The following DENND1C variants were observed in gnomAD, a reference collection of about 807,000 sequenced individuals.
The protein encoded by DENND1C is DENN domain containing 1C.
DENND1C carries 64 observed loss-of-function variants against 87.9 expected under a neutral mutation model. That is an observed-to-expected ratio of 0.73 (90% confidence interval 0.60 to 0.90). DENND1C has a LOEUF of 0.90. DENND1C is among the 40% of genes least tolerant of loss of function. DENND1C has a pLI of 0.00. For synonymous variants in DENND1C, 384 were observed against 424.4 expected (o/e 0.90, Z 1.17); for missense variants, 980 against 1,037.0 (o/e 0.95, Z 0.76).
At chr19:6,473,816 G>GGA (rs2092843788) in intron 14 of DENND1C, among the ~76,000 whole-genome samples, 17 of 131,564 alleles carry the variant, frequency 1.3e-4, no homozygotes, top group South Asian at 2.8e-4. Flanking sequence ...GGGGGGTGGG[G>GGA]GGAGGGAAAT....
chr19:6,479,129 G>A (rs950070545), intron 4 of DENND1C, 73 bp from the exon 5 acceptor site: 1 of 1,595,486 alleles, frequency 6.3e-7, no homozygotes. Context: ...CCCCAACAAA[G>A]CTCCTAGGAC....
rs143148879 is a variant in DENND1C, at chr19:6,476,228, G to A, written c.679-291C>T. On this transcript the variant is annotated intron_variant, in intron 10 of 22. Coordinates refer to ENST00000381480, the MANE Select transcript of DENND1C (RefSeq NM_024898.4). ...TCCCCATGCAGGTAGAGCAAGGACTGAGCCTCCACTGACTCCACCCCGAAA... is the reference window on the plus strand; with the variant it reads ...TCCCCATGCAGGTAGAGCAAGGACTAAGCCTCCACTGACTCCACCCCGAAA... The A allele has an allele frequency of 1.9e-3, 796 of 413,386 alleles. 4 individuals are homozygous for A. Among genetic ancestry groups the A allele is most frequent in the African/African-American group, 0.015 (722 of 47,692 alleles). 25.6% of individuals were successfully genotyped at this position (413,386 alleles called of 1,614,324 possible). A position where few individuals can be genotyped will look rare whatever the true frequency, so the allele number is the denominator to read the frequency against.
chr19:6,479,268 T>C (rs544697549), intron 4 of DENND1C, among the ~76,000 whole-genome samples: 115 of 141,032 alleles, frequency 8.2e-4, no homozygotes, highest in African/African-American at 3.4e-3. Flanking sequence ...TCCCTGGATC[T>C]CTGGGTTTCT....
chr19:6,473,140 G>T, intron 14 of DENND1C, 147 bp from the exon 15 acceptor site: 3 of 558,124 alleles, frequency 5.4e-6, no homozygotes, highest in Non-Finnish European at 8.8e-6. Flanking sequence ...GAGGACTTAA[G>T]CTGTTTTTTG....
Position 6,477,421 on chromosome 19 carries a change from T to C in DENND1C, c.404A>G (p.Gln135Arg). 1 of 1,612,970 alleles carries C rather than the reference T, an allele frequency of 6.2e-7. No homozygotes were observed. Among genetic ancestry groups the C allele is most frequent in the South Asian group, 1.1e-5 (1 of 91,024 alleles). The change falls in exon 7 of 23, where the codon CAG becomes CGG. Residue 135 changes from glutamine to arginine, a missense_variant. Transcript: ENST00000381480. ...GGCCTGGGGCCCAGACAGGGACTGCTGAAACAGATTTTGAAGAAGTTCCTC... is the reference window on the plus strand; with the variant it reads ...GGCCTGGGGCCCAGACAGGGACTGCCGAAACAGATTTTGAAGAAGTTCCTC... ...EAEELLQNLF[Q>R]QSLSGPQASV...
chr19:6,479,908 G>A lies in DENND1C; in HGVS notation c.83-6C>T. ...CTGCCGCAGGATGGGGGGATCTGTA[G>A]AAGAGAGCACGCCTCTAAGTTCAGC... On this transcript the variant is annotated splice_polypyrimidine_tract_variant and splice_region_variant and intron_variant, in intron 2 of 22. Coordinates refer to ENST00000381480, the MANE Select transcript of DENND1C (RefSeq NM_024898.4). 6.2e-7 allele frequency: 1 copy of A among 1,601,392 alleles called. No homozygotes were observed. Among genetic ancestry groups the A allele is most frequent in the Non-Finnish European group, 8.5e-7 (1 of 1,174,322 alleles).
Position 6,479,019 on chromosome 19 carries a change from C to G in DENND1C, c.214G>C (p.Ala72Pro), listed in dbSNP as rs755835446. Residue 72 changes from alanine (A) to proline (P), a missense_variant, in exon 5 of 23, where the codon GCC becomes CCC. Physicochemically the swap from Ala to Pro is conservative, Grantham distance 27. Transcript: ENST00000381480. Reference sequence around the variant, plus strand: ...CGGTTGCCGGCAAGGTCTGTGAGGGCGAAGGTGAAATGCTGCACGGCGGGG... The same window carrying G: ...CGGTTGCCGGCAAGGTCTGTGAGGGGGAAGGTGAAATGCTGCACGGCGGGG... ...PSPAVQHFTF[A>P]LTDLAGNRRF... 44 of 1,613,724 alleles carry G rather than the reference C, an allele frequency of 2.7e-5. No homozygotes were observed. Among genetic ancestry groups the G allele is most frequent in the Non-Finnish European group, 3.6e-5 (43 of 1,179,864 alleles).
chr19:6,478,913 C>T (rs200170818), intron 5 of DENND1C, 24 bp downstream of exon 5: 60 of 1,613,942 alleles, frequency 3.7e-5, no homozygotes, highest in African/African-American at 1.2e-4. Context: ...TCCCATCCCC[C>T]CCTCCAACCC....
rs1051094644 is a variant in DENND1C, at chr19:6,478,346, C to T, written c.366+437G>A. On this transcript the variant is annotated intron_variant, in intron 6 of 22. Transcript: ENST00000381480. ...GCCACTTCCGCCTCCCGGGTTCAAG[C>T]GATTCTCCTGCCGCAGCCTCTGAGC... Among the ~76,000 whole-genome samples the T allele has an allele frequency of 2.1e-4, 32 of 152,048 alleles. No homozygotes were observed. In the East Asian group the frequency reaches 3.3e-3, roughly 16 times the overall value.
intron 3 of DENND1C, 46 bp from the exon 4 acceptor site, chr19:6,479,764 C>G: frequency 6.2e-7 from 1 of 1,613,278 alleles, no homozygotes; most frequent in Non-Finnish European, 8.5e-7. Context: ...TGAGGTCGGG[C>G]ACCACCTCCC....
chr19:6,469,284 G>A (rs1159422220), intron 19 of DENND1C, among the ~76,000 whole-genome samples: 1 of 152,078 alleles, frequency 6.6e-6, no homozygotes, highest in African/African-American at 2.4e-5. Flanking sequence ...ACCCTCCTCG[G>A]CCTCCCAAAG....
chr19:6,477,157 C>A, intron 8 of DENND1C, 30 bp from the exon 9 acceptor site: 1 of 1,598,538 alleles, frequency 6.3e-7, no homozygotes, highest in Non-Finnish European at 8.5e-7. Context: ...GGGGATCAAT[C>A]AGTCAGGAGG....
chr19:6,467,475 G>C lies in DENND1C; in HGVS notation c.*29C>G. Reference sequence around the variant, plus strand: ...TTGGGCTCTTGTGGCTTTATTGAGGGACTGGGGTCTCTCTTGGACCCCTGA... The same window carrying C: ...TTGGGCTCTTGTGGCTTTATTGAGGCACTGGGGTCTCTCTTGGACCCCTGA... On this transcript the variant is annotated 3_prime_UTR_variant, in exon 23 of 23. Coordinates refer to ENST00000381480, the MANE Select transcript of DENND1C (RefSeq NM_024898.4). 1 of 1,509,752 alleles carries C rather than the reference G, an allele frequency of 6.6e-7. No individual in the cohort carries two copies. Among genetic ancestry groups the C allele is most frequent in the Non-Finnish European group, 8.8e-7 (1 of 1,130,228 alleles). The allele number at this position is 1,509,752 out of a possible 1,614,324, so 93.5% of individuals were successfully genotyped here. A position where few individuals can be genotyped will look rare whatever the true frequency, so the allele number is the denominator to read the frequency against.
intron 1 of DENND1C, chr19:6,480,481 T>A: frequency 1.0e-6 from 1 of 984,360 alleles, no homozygotes; most frequent in Non-Finnish European, 1.2e-6. Flanking sequence ...TATATCCATC[T>A]ATCTGTCTGT....
At chr19:6,470,465 G>A in intron 17 of DENND1C, 99 bp from the exon 18 acceptor site, 2 of 1,236,114 alleles carry the variant, frequency 1.6e-6, no homozygotes, top group South Asian at 2.6e-5. Context: ...CCCTCTCTGA[G>A]TCTCCATTTT....
In DENND1C at chr19:6,470,986, G is replaced by C. The variant is rs188691221; in HGVS notation, c.1290+279C>G. Among the ~76,000 whole-genome samples, 97 of 151,964 alleles carry C rather than the reference G, an allele frequency of 6.4e-4. 1 individual carries two copies. The East Asian group carries it at 0.011, about 17-fold the overall frequency. On this transcript the variant is annotated intron_variant, in intron 17 of 22. Coordinates refer to ENST00000381480, the MANE Select transcript of DENND1C (RefSeq NM_024898.4). ...AAAGTGGTTTTTGAGACAGGGTCTT[G>C]CTCTGTCACCCAGGCTGGAGTGCAG...
chr19:6,468,053 G>T lies in DENND1C; in HGVS notation c.1857C>A (p.Ser619=). The T allele has an allele frequency of 6.2e-7, 1 of 1,613,894 alleles. No individual in the cohort carries two copies. Among genetic ancestry groups the T allele is most frequent in the South Asian group, 1.1e-5 (1 of 91,052 alleles). Residue 619 remains serine (S), a synonymous_variant, in exon 23 of 23, where the codon TCC becomes TCA. Coordinates refer to ENST00000381480, the MANE Select transcript of DENND1C (RefSeq NM_024898.4). The part of the protein sequence containing the change: ...KLPEPEPQPL[S]LPSLQNASSL... ...ACGAGGCATTTTGCAGGGATGGCAG[G>T]GAAAGGGGCTGGGGCTCCGGCTCTG...
chr19:6,473,751 G>T (rs1468933779), intron 14 of DENND1C, among the ~76,000 whole-genome samples: 2 of 146,866 alleles, frequency 1.4e-5, no homozygotes, highest in African/African-American at 2.5e-5. Context: ...TCACCGACCC[G>T]GCTGATTTAA....
At position 6,471,466 on chromosome 19, in the gene DENND1C, T is replaced by C. The variant is rs1171977783; in HGVS notation, c.1189A>G (p.Lys397Glu). Residue 397 changes from lysine to glutamate, a missense_variant, in exon 16 of 23, where the codon AAG becomes GAG. By Grantham distance (56) the Lys-to-Glu change is moderately conservative (BLOSUM62 1). Transcript: ENST00000381480. ...FIEARLEKLN[K>E]GEGFSDQFEQ... ...AATTGATCTGAGAAGCCCTCCCCCT[T>C]GTTGAGCTTCTCCAGCCGGGCTTCG... The C allele has an allele frequency of 5.1e-6, 8 of 1,577,286 alleles. No homozygotes were observed. The Admixed American group carries it at 1.5e-4, about 29-fold the overall frequency.
Sources: gnomAD v4.1 joint callset for allele counts (sites outside exome capture counted in the v4.1 genomes callset) on GRCh38, gnomAD v4.1.1 for gene constraint, MANE v1.5 for transcripts, NCBI Gene and HGNC (gene_info 2026-07-23, HGNC 2026-07-21) for gene names.